PCDHGA8: variants seen among roughly 807,000 people sequenced by gnomAD.
The protein encoded by PCDHGA8 is protocadherin gamma-A8.
Under a neutral mutation model 59.2 loss-of-function variants are expected in PCDHGA8, and 45 were observed. The ratio of observed to expected loss-of-function variants is 0.76; its 90% CI spans 0.60 to 0.98. PCDHGA8 has a LOEUF of 0.98. PCDHGA8 is among the 50% of genes least tolerant of loss of function. PCDHGA8 has a pLI of 0.00. For missense variants in PCDHGA8, 1,257 were observed against 1,196.2 expected (o/e 1.05, Z -0.75); for synonymous variants, 531 against 519.0 (o/e 1.02, Z -0.32).
intron 1 of PCDHGA8, chr5:141,428,402 G>T (rs899477196): frequency 1.7e-5 from 8 of 479,776 alleles, no homozygotes; most frequent in African/African-American, 1.4e-4. Flanking sequence ...TCTGCCTGGG[G>T]TTGCTTTCAC....
chr5:141,454,796 A>ATTTTTTTT (rs61612330), intron 1 of PCDHGA8, among the ~76,000 whole-genome samples: 1,488 of 77,444 alleles, frequency 0.019, 251 homozygotes, highest in African/African-American at 0.042. Flanking sequence ...CATGGTTCTA[A>ATTTTTTTT]TTTTTTTTTT....
chr5:141,489,159 T>G lies in PCDHGA8; in HGVS notation c.2425-5648T>G. On this transcript the variant is annotated intron_variant, in intron 1 of 3. Transcript: ENST00000398604. This position sits in a 1 kb window ranked among gnomAD's most constrained non-coding sequence, Gnocchi z 4.5. ...AGGCTGGAAGGAGACATAAGAGACT[T>G]CAGCTGCTGCATTCCAAGCCCTGGG... is the stretch of plus-strand genomic sequence containing the variant. 2 of 1,023,152 alleles carry G rather than the reference T, an allele frequency of 2.0e-6. No individual in the cohort carries two copies. Among genetic ancestry groups the G allele is most frequent in the Non-Finnish European group, 2.9e-6 (2 of 697,120 alleles). The allele number at this position is 1,023,152 out of a possible 1,614,324, so 63.4% of individuals were successfully genotyped here. A position where few individuals can be genotyped will look rare whatever the true frequency, so the allele number is the denominator to read the frequency against.
chr5:141,476,820 T>C lies in PCDHGA8; in HGVS notation c.2425-17987T>C, dbSNP rs368919360. 6.2e-7 allele frequency: 1 copy of C among 1,613,594 alleles called. No individual in the cohort carries two copies. Among genetic ancestry groups the C allele is most frequent in the African/African-American group, 1.3e-5 (1 of 75,066 alleles). The stretch of plus-strand genomic sequence containing the variant: ...AGCCTGCCTATTCACATCAAGGTGC[T>C]GGACGCGAATGACAATGCGCCTGTC... On this transcript the variant is annotated intron_variant, in intron 1 of 3. Transcript: ENST00000398604. This position sits in a 1 kb window ranked among gnomAD's most constrained non-coding sequence, Gnocchi z 7.6.
chr5:141,460,783 T>G (rs1000959104), intron 1 of PCDHGA8, among the ~76,000 whole-genome samples: 1 of 152,030 alleles, frequency 6.6e-6, no homozygotes, highest in Non-Finnish European at 1.5e-5. Flanking sequence ...TGTATACATA[T>G]ATACACACAA....
chr5:141,397,961 G>C, intron 1 of PCDHGA8: 2 of 1,038,400 alleles, frequency 1.9e-6, no homozygotes, highest in Non-Finnish European at 2.7e-6. Context: ...CCCCAGCTCA[G>C]ACTCCCCAGC....
intron 1 of PCDHGA8, among the ~76,000 whole-genome samples, chr5:141,461,604 T>G (rs1166575574): frequency 6.6e-6 from 1 of 152,228 alleles, no homozygotes; most frequent in Non-Finnish European, 1.5e-5. Context: ...TATAATTTAG[T>G]TCAAAGTATT....
chr5:141,509,809 A>G (rs13163163), intron 3 of PCDHGA8, among the ~76,000 whole-genome samples: 35,240 of 151,962 alleles, frequency 0.23, 4,247 homozygotes, highest in Admixed American at 0.33. Context: ...CATAGAGCCG[A>G]GCTCTTCTCC....
Position 141,494,830 on chromosome 5 carries a change from G to C in PCDHGA8, c.2448G>C (p.Trp816Cys), listed in dbSNP as rs2099757104. Residue 816 changes from tryptophan (W) to cysteine (C), a missense_variant, in exon 2 of 4, where the codon TGG (tryptophan) becomes TGC (cysteine). Coordinates refer to ENST00000398604, the MANE Select transcript of PCDHGA8 (RefSeq NM_032088.2). ...AGCAAGCCCCGCCCAACACGGACTG[G>C]CGTTTCTCTCAGGCCCAGAGACCCG... The part of the protein sequence containing the change: ...HGQQAPPNTD[W>C]RFSQAQRPGT... 6.2e-7 allele frequency: 1 copy of C among 1,614,098 alleles called. No homozygotes were observed. The highest frequency in any genetic ancestry group is 2.2e-5 in the East Asian group (1 of 44,862).
intron 1 of PCDHGA8, among the ~76,000 whole-genome samples, chr5:141,453,076 G>A (rs2098755408): frequency 1.3e-5 from 2 of 151,984 alleles, no homozygotes; most frequent in Admixed American, 6.6e-5. Flanking sequence ...CCACACTCTG[G>A]TTGATTAGTA....
intron 1 of PCDHGA8, chr5:141,396,409 A>C (rs2093377043): frequency 6.6e-6 from 1 of 152,270 alleles, no homozygotes; most frequent in Non-Finnish European, 1.5e-5. Context: ...ACCTGAGGTC[A>C]GGAGTTCAAG....
chr5:141,483,736 G>A (rs1296877404), intron 1 of PCDHGA8, among the ~76,000 whole-genome samples: 1 of 152,110 alleles, frequency 6.6e-6, no homozygotes, highest in Non-Finnish European at 1.5e-5. Flanking sequence ...ATAGTCAAAA[G>A]GATATTCCTG....
intron 1 of PCDHGA8, chr5:141,408,084 G>A (rs564149257): frequency 7.5e-5 from 106 of 1,418,874 alleles, no homozygotes; most frequent in Middle Eastern, 2.5e-4. Context: ...CCAGCACAGC[G>A]GATTGCCAGC....
At chr5:141,406,072 C>CTT (rs530474569) in intron 1 of PCDHGA8, among the ~76,000 whole-genome samples, 28 of 141,510 alleles carry the variant, frequency 2.0e-4, no homozygotes, top group East Asian at 4.1e-4. Context: ...ATTCTTACTC[C>CTT]TTTTTTTTTT....
intron 1 of PCDHGA8, chr5:141,422,945 C>T (rs13188215): frequency 6.2e-7 from 1 of 1,614,134 alleles, no homozygotes; most frequent in Non-Finnish European, 8.5e-7. Context: ...ACAGACGGCT[C>T]CACTGGCGTG....
In PCDHGA8 at chr5:141,478,818, C is replaced by T. The variant is rs980032138; in HGVS notation, c.2425-15989C>T. ...AGCACTCTTTTGCTATCACAACTAA[C>T]CAATCTTGCTAAGGGATGGTTAAGC... On this transcript the variant is annotated intron_variant, in intron 1 of 3. Transcript: ENST00000398604. The T allele has an allele frequency of 2.1e-5, 30 of 1,449,330 alleles. No individual in the cohort carries two copies. The African/African-American group carries it at 3.3e-4, about 16-fold the overall frequency. 89.8% of individuals were successfully genotyped at this position (1,449,330 alleles called of 1,614,324 possible). A position where few individuals can be genotyped will look rare whatever the true frequency, so the allele number is the denominator to read the frequency against.
chr5:141,423,674 C>G (rs57195665), intron 1 of PCDHGA8: 15 of 1,514,742 alleles, frequency 9.9e-6, no homozygotes, highest in African/African-American at 2.9e-5. Flanking sequence ...AGATTTATTT[C>G]TCTGCCTCCT....
At chr5:141,418,409 G>C in intron 1 of PCDHGA8, 4 of 1,613,910 alleles carry the variant, frequency 2.5e-6, no homozygotes, top group Admixed American at 1.7e-5. Context: ...GGTGGAGAAA[G>C]ACAATCCTGA....
chr5:141,457,937 G>A (rs916509260), intron 1 of PCDHGA8, among the ~76,000 whole-genome samples: 1 of 152,166 alleles, frequency 6.6e-6, no homozygotes, highest in African/African-American at 2.4e-5. Flanking sequence ...GGCTTTTATT[G>A]GCTCTGCATG....
intron 1 of PCDHGA8, chr5:141,430,540 G>T: frequency 2.6e-6 from 1 of 386,954 alleles, no homozygotes; most frequent in Admixed American, 4.2e-5. Flanking sequence ...GACTCTGAGC[G>T]CCGCTGTTCA....
Sources: gnomAD v4.1 joint callset for allele counts (sites outside exome capture counted in the v4.1 genomes callset) on GRCh38, gnomAD v4.1.1 for gene constraint, Gnocchi (gnomAD v3.1) non-coding constraint, MANE v1.5 for transcripts, NCBI Gene and HGNC (gene_info 2026-07-23, HGNC 2026-07-21) for gene names.